CREB5: variants seen among roughly 807,000 people sequenced by gnomAD.
The protein encoded by CREB5 is cyclic AMP-responsive element-binding protein 5.
In CREB5, 19 loss-of-function variants were observed where a neutral mutation model predicts 57.1. The ratio of observed to expected loss-of-function variants is 0.33; its 90% CI spans 0.23 to 0.49. CREB5 has a LOEUF of 0.49. Ranked by LOEUF, CREB5 falls within the 20% of genes least tolerant of loss-of-function variation. The pLI is 0.99. For synonymous variants in CREB5, 238 were observed against 238.3 expected (o/e 1.00, Z 0.01); for missense variants, 579 against 671.6 (o/e 0.86, Z 1.52).
intron 4 of CREB5, among the ~76,000 whole-genome samples, chr7:28,546,905 G>GA (rs554018415): frequency 3.4e-4 from 51 of 152,160 alleles, no homozygotes; most frequent in East Asian, 3.1e-3. Flanking sequence ...CTGGGGTTGG[G>GA]AAAAAAATAG....
At chr7:28,738,004 T>G (rs1804125028) in intron 7 of CREB5, among the ~76,000 whole-genome samples, 1 of 152,182 alleles carries the variant, frequency 6.6e-6, no homozygotes, top group African/African-American at 2.4e-5. Context: ...TTATGGTTTG[T>G]TAGTTCACAA....
chr7:28,299,527 C>T (rs1179365318), intron 1 of CREB5: 1 of 152,170 alleles, frequency 6.6e-6, no homozygotes, highest in Non-Finnish European at 1.5e-5. Context: ...TCATACTAGC[C>T]ACATTTCAGT....
intron 4 of CREB5, among the ~76,000 whole-genome samples, chr7:28,537,159 AGTC>A (rs1793995706): frequency 6.6e-6 from 1 of 152,250 alleles, no homozygotes; most frequent in Admixed American, 6.5e-5. Flanking sequence ...ATTGAAGTCC[AGTC>A]AGATTTTTTC....
chr7:28,543,942 A>G (rs1232968731), intron 4 of CREB5, among the ~76,000 whole-genome samples: 1 of 149,520 alleles, frequency 6.7e-6, no homozygotes, highest in East Asian at 1.9e-4. Context: ...GGTTAATCAT[A>G]TCTATCTCGT....
At chr7:28,800,537 G>C (rs1808300419) in intron 7 of CREB5, among the ~76,000 whole-genome samples, 1 of 152,226 alleles carries the variant, frequency 6.6e-6, no homozygotes, top group Non-Finnish European at 1.5e-5. Context: ...CAGGGAGAAG[G>C]GATACATGGC....
At chr7:28,520,397 T>C (rs59923471) in intron 4 of CREB5, among the ~76,000 whole-genome samples, 11,283 of 152,256 alleles carry the variant, frequency 0.074, 996 homozygotes, top group African/African-American at 0.21. Context: ...AAACAAGAAT[T>C]ACTCATATTT....
chr7:28,589,116 C>A (rs1200075456), intron 5 of CREB5, among the ~76,000 whole-genome samples: 1 of 152,198 alleles, frequency 6.6e-6, no homozygotes, highest in Non-Finnish European at 1.5e-5. Flanking sequence ...ACCTAACATT[C>A]TACAATGGCT....
chr7:28,678,242 G>T (rs1444995101), intron 5 of CREB5, among the ~76,000 whole-genome samples: 1 of 152,090 alleles, frequency 6.6e-6, no homozygotes, highest in Non-Finnish European at 1.5e-5. Context: ...GCAAAAATTA[G>T]CTGGGTGTGG....
At chr7:28,733,396 A>G (rs1803777755) in intron 7 of CREB5, among the ~76,000 whole-genome samples, 1 of 151,826 alleles carries the variant, frequency 6.6e-6, no homozygotes, top group Non-Finnish European at 1.5e-5. Flanking sequence ...TCCTCCACTC[A>G]TCTCTGCACA....
intron 7 of CREB5, among the ~76,000 whole-genome samples, chr7:28,790,454 GAGAGAGATAGAGAGAGAGAGAAAGAA>G (rs1391060333): frequency 4.3e-4 from 15 of 35,040 alleles, no homozygotes; most frequent in Non-Finnish European, 8.0e-4. Flanking sequence ...GAGAGAGAGA[GAGAGAGATAGAGAGAGAGAGAAAGAA>G]AGAAAGAAAG....
chr7:28,330,597 G>A (rs1421725405), intron 1 of CREB5, among the ~76,000 whole-genome samples: 2 of 149,396 alleles, frequency 1.3e-5, no homozygotes, highest in African/African-American at 4.9e-5. Flanking sequence ...TTAGATCTTT[G>A]CAAAACAGAA....
intron 3 of CREB5, among the ~76,000 whole-genome samples, chr7:28,501,949 T>C (rs377270435): frequency 4.6e-5 from 7 of 152,190 alleles, no homozygotes; most frequent in Non-Finnish European, 1.0e-4. Context: ...GTTGTCTATC[T>C]TGGCAATGAA....
intron 5 of CREB5, among the ~76,000 whole-genome samples, chr7:28,687,305 T>TGATGAAGAC (rs1236979903): frequency 6.6e-6 from 1 of 151,936 alleles, no homozygotes; most frequent in Non-Finnish European, 1.5e-5. Flanking sequence ...GAGGGGGCGA[T>TGATGAAGAC]GATGAAGACT....
intron 1 of CREB5, among the ~76,000 whole-genome samples, chr7:28,459,191 T>C (rs1449603019): frequency 1.3e-5 from 2 of 152,128 alleles, no homozygotes; most frequent in African/African-American, 2.4e-5. Context: ...CACGCTCCTG[T>C]GTGTGTGTGC....
intron 5 of CREB5, among the ~76,000 whole-genome samples, chr7:28,622,888 C>G (rs1022362946): frequency 6.6e-5 from 10 of 152,058 alleles, no homozygotes; most frequent in African/African-American, 2.2e-4. Context: ...TTTAAAAATA[C>G]TCCCACCTTC....
chr7:28,421,351 A>G (rs1788237335), intron 1 of CREB5, among the ~76,000 whole-genome samples: 2 of 152,186 alleles, frequency 1.3e-5, no homozygotes, highest in Non-Finnish European at 2.9e-5. Flanking sequence ...GTAGTATTTC[A>G]TGGTATACAT....
rs113464009 is a variant in CREB5, at chr7:28,348,160, G to A, written c.-25+48719G>A. Among the ~76,000 whole-genome samples the A allele has an allele frequency of 5.7e-3, 870 of 152,198 alleles. 2 individuals carry two copies. Among genetic ancestry groups the A allele is most frequent in the South Asian group, 0.019 (93 of 4,814 alleles). ...GAGGTTTCGTGTGCACAGGATCACC[G>A]GTTATCCATGTGGCTTCTTATTCCA... On this transcript the variant is annotated intron_variant, in intron 1 of 9. Transcript: ENST00000396299.
At chr7:28,369,687 G>A (rs1305976644) in intron 1 of CREB5, among the ~76,000 whole-genome samples, 1 of 152,174 alleles carries the variant, frequency 6.6e-6, no homozygotes, top group Non-Finnish European at 1.5e-5. Flanking sequence ...CTAGGATAGG[G>A]TGATAAAATC....
chr7:28,698,769 T>C (rs1174312857), intron 5 of CREB5, among the ~76,000 whole-genome samples: 1 of 152,212 alleles, frequency 6.6e-6, no homozygotes, highest in Non-Finnish European at 1.5e-5. Context: ...ATGTGCATTC[T>C]GTTATAGCTT....
Sources: gnomAD v4.1 joint callset for allele counts (sites outside exome capture counted in the v4.1 genomes callset) on GRCh38, gnomAD v4.1.1 for gene constraint, MANE v1.5 for transcripts, NCBI Gene and HGNC (gene_info 2026-07-23, HGNC 2026-07-21) for gene names.